Variants in NREP observed in about 807,000 individuals in gnomAD.
NREP encodes neuronal regeneration-related protein.
A neutral mutation model predicts 8.6 loss-of-function variants in NREP; 5 were observed. That is an observed-to-expected ratio of 0.58 (90% CI 0.30 to 1.22). The LOEUF (loss-of-function observed/expected upper bound fraction) is 1.22. NREP is among the 50% of genes most tolerant of loss of function. The probability of loss-of-function intolerance (pLI) is 0.07; values close to 1 mark genes in which losing one functional copy is unlikely to be tolerated. For missense variants in NREP, 86 were observed against 82.5 expected (o/e 1.04, Z -0.17); for synonymous variants, 27 against 28.0 (o/e 0.96, Z 0.11).
chr5:111,901,987 G>T lies in NREP; in HGVS notation c.135+73287C>A, dbSNP rs568248643. Among the ~76,000 whole-genome samples the T allele has an allele frequency of 4.6e-5, 7 of 152,140 alleles. No individual in the cohort carries two copies. In the South Asian group the frequency reaches 1.2e-3, roughly 27 times the overall value. On this transcript the variant is annotated intron_variant, in intron 2 of 3. Transcript: ENST00000395634. ...ATGGAACCACAAAAGACCCCAAATAGTCACAGTAATACTGAGCAGAAAGAA... is the reference window on the plus strand; with the variant it reads ...ATGGAACCACAAAAGACCCCAAATATTCACAGTAATACTGAGCAGAAAGAA...
chr5:111,760,442 G>A (rs1441305237), upstream of NREP, among the ~76,000 whole-genome samples: 1 of 152,176 alleles, frequency 6.6e-6, no homozygotes, highest in African/African-American at 2.4e-5. Context: ...GGAAGTAGGC[G>A]ATGTCCTTAT....
At chr5:111,752,144 C>A (rs1490196939) in intron 2 of NREP, among the ~76,000 whole-genome samples, 1 of 152,130 alleles carries the variant, frequency 6.6e-6, no homozygotes, top group African/African-American at 2.4e-5. Flanking sequence ...TAAATTTCTT[C>A]AATGTATTTA....
At chr5:111,972,501 T>A (rs182757879) in intron 2 of NREP, among the ~76,000 whole-genome samples, 1 of 152,348 alleles carries the variant, frequency 6.6e-6, no homozygotes, top group East Asian at 1.9e-4. Flanking sequence ...TCATATGATT[T>A]TATTTTTTAA....
At chr5:111,928,205 C>T (rs1410914288) in intron 2 of NREP, among the ~76,000 whole-genome samples, 2 of 152,168 alleles carry the variant, frequency 1.3e-5, no homozygotes, top group South Asian at 4.2e-4. Context: ...CTATTTACAT[C>T]GCATAGACTT....
chr5:111,834,318 C>T (rs576997941), intron 2 of NREP, among the ~76,000 whole-genome samples: 1 of 152,292 alleles, frequency 6.6e-6, no homozygotes, highest in South Asian at 2.1e-4. Flanking sequence ...TAGGGAGATT[C>T]ATTATCAAAT....
At chr5:111,824,146 G>A (rs1053929826) in intron 2 of NREP, among the ~76,000 whole-genome samples, 1 of 152,132 alleles carries the variant, frequency 6.6e-6, no homozygotes, top group Non-Finnish European at 1.5e-5. Flanking sequence ...TGAGTCGGGC[G>A]GATCACGAGG....
chr5:111,879,973 G>A (rs1754009390), intron 2 of NREP, among the ~76,000 whole-genome samples: 1 of 152,098 alleles, frequency 6.6e-6, no homozygotes, highest in Non-Finnish European at 1.5e-5. Flanking sequence ...TAAGGGCTGG[G>A]GCTTCAACAT....
At chr5:111,756,320 C>CAGG in intron 1 of NREP, 1 of 30,650 alleles carries the variant, frequency 3.3e-5, no homozygotes, top group Non-Finnish European at 5.9e-5. Flanking sequence ...AAACCCTACA[C>CAGG]GGCGGGGGGG....
intron 2 of NREP, among the ~76,000 whole-genome samples, chr5:111,933,409 A>G (rs1755597126): frequency 1.3e-5 from 2 of 152,148 alleles, no homozygotes; most frequent in Non-Finnish European, 2.9e-5. Flanking sequence ...GAATTATGGA[A>G]TAATTTTTCA....
chr5:111,843,059 G>A (rs1561689836), intron 2 of NREP, among the ~76,000 whole-genome samples: 1 of 151,966 alleles, frequency 6.6e-6, no homozygotes, highest in African/African-American at 2.4e-5. Flanking sequence ...TGATTATTTG[G>A]GATCCATGAA....
At chr5:111,945,533 GA>G (rs11337604) in intron 2 of NREP, among the ~76,000 whole-genome samples, 146,076 of 149,942 alleles carry the variant, frequency 0.97, 71,213 homozygotes, top group Non-Finnish European at 0.99. Context: ...GGAAAAAGAA[GA>G]AAAAATGAAA....
chr5:111,784,542 A>G (rs143919620), intron 2 of NREP, among the ~76,000 whole-genome samples: 138 of 152,330 alleles, frequency 9.1e-4, no homozygotes, highest in Non-Finnish European at 1.5e-3. Context: ...CCAGCAGAGC[A>G]TTACTGTTTT....
intron 2 of NREP, among the ~76,000 whole-genome samples, chr5:111,848,427 T>C (rs949189969): frequency 6.9e-6 from 1 of 144,636 alleles, no homozygotes; most frequent in East Asian, 2.1e-4. Flanking sequence ...TTTGCCTACA[T>C]GGAGAGTTTT....
At chr5:111,881,019 G>A (rs186581099) in intron 2 of NREP, among the ~76,000 whole-genome samples, 452 of 152,340 alleles carry the variant, frequency 3.0e-3, no homozygotes, top group African/African-American at 9.7e-3. Context: ...GAAGCAGGGC[G>A]AGGCATTGCC....
chr5:111,886,819 T>C (rs1466657005), intron 2 of NREP, among the ~76,000 whole-genome samples: 2 of 150,500 alleles, frequency 1.3e-5, no homozygotes, highest in East Asian at 2.0e-4. Flanking sequence ...CTGGGGACTG[T>C]TGTGGGGTTG....
intron 2 of NREP, among the ~76,000 whole-genome samples, chr5:111,860,466 T>G (rs1753520853): frequency 1.3e-5 from 2 of 152,198 alleles, no homozygotes; most frequent in South Asian, 4.1e-4. Flanking sequence ...ATTTGCACTT[T>G]ATCCATTCTA....
intron 2 of NREP, among the ~76,000 whole-genome samples, chr5:111,884,351 G>A (rs1754178202): frequency 6.6e-6 from 1 of 151,654 alleles, no homozygotes. Flanking sequence ...CAACCAAAAA[G>A]AGTCCAGGAC....
intron 2 of NREP, among the ~76,000 whole-genome samples, chr5:111,909,457 T>A (rs1435043834): frequency 6.6e-6 from 1 of 152,060 alleles, no homozygotes; most frequent in African/African-American, 2.4e-5. Flanking sequence ...AATCAAGGGA[T>A]TTATTAATAG....
intron 2 of NREP, among the ~76,000 whole-genome samples, chr5:111,862,206 A>G (rs748766230): frequency 1.2e-4 from 18 of 152,200 alleles, no homozygotes; most frequent in Non-Finnish European, 1.9e-4. Context: ...TATGGTTACA[A>G]TGGATTTTGA....
Sources: gnomAD v4.1 joint callset for allele counts (sites outside exome capture counted in the v4.1 genomes callset) on GRCh38, gnomAD v4.1.1 for gene constraint, MANE v1.5 for transcripts, NCBI Gene and HGNC (gene_info 2026-07-23, HGNC 2026-07-21) for gene names.